Variants in ANKS1B observed in about 807,000 individuals in gnomAD.
The protein encoded by ANKS1B is ankyrin repeat and sterile alpha motif domain-containing protein 1B.
A neutral mutation model predicts 148.3 loss-of-function variants in ANKS1B; 36 were observed. That is an observed-to-expected ratio of 0.24 (90% confidence interval 0.19 to 0.32). ANKS1B has a LOEUF of 0.32. Among genes scored for constraint, ANKS1B ranks in the 10% least tolerant of loss-of-function variants. The pLI, the probability that ANKS1B is intolerant of heterozygous loss-of-function variation, is 1.00. For missense variants in ANKS1B, 1,157 were observed against 1,542.6 expected, an observed-to-expected ratio of 0.75 and a Z score of 4.19; for synonymous variants, 542 against 560.8, an observed-to-expected ratio of 0.97 and a Z score of 0.47.
Position 98,938,482 on chromosome 12 carries a change from T to C in ANKS1B, c.2779-106346A>G, listed in dbSNP as rs1162896046. On this transcript the variant is annotated intron_variant, in intron 17 of 26. Transcript: ENST00000683438. ...TGGTTTTTAAAAGCTCCCCAGATGA[T>C]TTTCATGTGCAGGCAGGGCTGAGAA... Among the ~76,000 whole-genome samples, 3 of 152,160 alleles carry C rather than the reference T, an allele frequency of 2.0e-5. No individual in the cohort carries two copies. The East Asian group carries it at 5.8e-4, about 29-fold the overall frequency.
intron 17 of ANKS1B, among the ~76,000 whole-genome samples, chr12:98,836,596 T>C (rs1473256093): frequency 6.6e-6 from 1 of 152,176 alleles, no homozygotes; most frequent in Non-Finnish European, 1.5e-5. Flanking sequence ...CAGACTGTCT[T>C]TGCAAGCAGA....
chr12:99,267,692 C>T (rs1452890773), intron 12 of ANKS1B, among the ~76,000 whole-genome samples: 2 of 152,040 alleles, frequency 1.3e-5, no homozygotes, highest in Non-Finnish European at 2.9e-5. Flanking sequence ...AAACATACAA[C>T]CAGACATATT....
chr12:99,057,946 T>C (rs1190160826), intron 16 of ANKS1B, among the ~76,000 whole-genome samples: 1 of 152,194 alleles, frequency 6.6e-6, no homozygotes, highest in Non-Finnish European at 1.5e-5. Context: ...TGAAGTTAGC[T>C]GAAGCACAGC....
chr12:98,953,438 C>T (rs549173090), intron 17 of ANKS1B, among the ~76,000 whole-genome samples: 1 of 151,994 alleles, frequency 6.6e-6, no homozygotes, highest in South Asian at 2.1e-4. Flanking sequence ...CAGAAATGAG[C>T]CACTATGCCT....
intron 15 of ANKS1B, among the ~76,000 whole-genome samples, chr12:99,086,970 C>T (rs963537914): frequency 2.6e-5 from 4 of 152,062 alleles, no homozygotes; most frequent in Non-Finnish European, 2.9e-5. Context: ...TTTCTAGAGG[C>T]GCTGTGGGCA....
intron 12 of ANKS1B, among the ~76,000 whole-genome samples, chr12:99,369,791 T>TAGATAGATGGACGGAC (rs879173702): frequency 3.4e-5 from 5 of 148,892 alleles, no homozygotes; most frequent in South Asian, 2.2e-4. Context: ...GATAGATAGA[T>TAGATAGATGGACGGAC]GGACGGACGG....
chr12:98,848,419 T>A (rs2099495745), intron 17 of ANKS1B, among the ~76,000 whole-genome samples: 1 of 152,166 alleles, frequency 6.6e-6, no homozygotes, highest in Admixed American at 6.5e-5. Flanking sequence ...TTGATATCCA[T>A]GAAATGTGTA....
chr12:99,194,344 A>G (rs185720415), intron 14 of ANKS1B, among the ~76,000 whole-genome samples: 4 of 152,238 alleles, frequency 2.6e-5, no homozygotes, highest in African/African-American at 7.2e-5. Context: ...TCATTTCCTG[A>G]TGACTTTGAG....
intron 9 of ANKS1B, among the ~76,000 whole-genome samples, chr12:99,608,551 C>T (rs1190130157): frequency 6.6e-6 from 1 of 152,078 alleles, no homozygotes; most frequent in Non-Finnish European, 1.5e-5. Flanking sequence ...AACTGGTCAA[C>T]CACCATGAAT....
intron 1 of ANKS1B, among the ~76,000 whole-genome samples, chr12:99,978,134 T>C (rs912332586): frequency 6.6e-6 from 1 of 152,236 alleles, no homozygotes; most frequent in African/African-American, 2.4e-5. Context: ...TTGTTTACTG[T>C]CACCTGAAAG....
At chr12:99,210,220 T>TATTCTCC (rs1408136248) in intron 14 of ANKS1B, among the ~76,000 whole-genome samples, 1 of 152,178 alleles carries the variant, frequency 6.6e-6, no homozygotes, top group Non-Finnish European at 1.5e-5. Flanking sequence ...CCAAAATATT[T>TATTCTCC]ATTCTCCAAA....
At chr12:99,869,053 T>C (rs2091136286) in intron 1 of ANKS1B, among the ~76,000 whole-genome samples, 1 of 151,954 alleles carries the variant, frequency 6.6e-6, no homozygotes, top group Non-Finnish European at 1.5e-5. Flanking sequence ...TGAGAGTCTG[T>C]CTCAAAAAAT....
intron 25 of ANKS1B, among the ~76,000 whole-genome samples, chr12:98,760,271 C>CT (rs11395668): frequency 0.29 from 42,471 of 147,252 alleles, 5,992 homozygotes; most frequent in African/African-American, 0.31. Flanking sequence ...CTTATTCTTG[C>CT]TTTTTTTTTT....
At chr12:99,271,532 G>A (rs977322506) in intron 12 of ANKS1B, among the ~76,000 whole-genome samples, 2 of 151,202 alleles carry the variant, frequency 1.3e-5, no homozygotes, top group Non-Finnish European at 2.9e-5. Context: ...TTCTGAATAG[G>A]TGCTCAGTTA....
chr12:99,978,394 C>A (rs912177278), intron 1 of ANKS1B, among the ~76,000 whole-genome samples: 7 of 152,270 alleles, frequency 4.6e-5, no homozygotes, highest in African/African-American at 1.7e-4. Flanking sequence ...TACCAAAATT[C>A]ACCCTCCTTT....
At chr12:99,173,873 G>A (rs1413383490) in intron 14 of ANKS1B, among the ~76,000 whole-genome samples, 2 of 152,010 alleles carry the variant, frequency 1.3e-5, no homozygotes, top group Non-Finnish European at 2.9e-5. Context: ...CATCTACTGG[G>A]ATAGGTATAT....
intron 8 of ANKS1B, among the ~76,000 whole-genome samples, chr12:99,763,492 G>A (rs906999627): frequency 1.3e-5 from 2 of 151,998 alleles, no homozygotes; most frequent in African/African-American, 4.8e-5. Flanking sequence ...ACAGACAATG[G>A]GGCTTACTTG....
At chr12:99,584,712 T>G (rs896082436) in intron 9 of ANKS1B, among the ~76,000 whole-genome samples, 1 of 152,070 alleles carries the variant, frequency 6.6e-6, no homozygotes, top group Non-Finnish European at 1.5e-5. Flanking sequence ...GGTCTCACAA[T>G]CATGGCAGAA....
chr12:99,752,462 C>A (rs990175619), intron 8 of ANKS1B, among the ~76,000 whole-genome samples: 1 of 151,354 alleles, frequency 6.6e-6, no homozygotes, highest in Non-Finnish European at 1.5e-5. Flanking sequence ...GTAGCTAGTA[C>A]GTAATATAGG....
Sources: allele counts gnomAD v4.1 joint callset (sites outside exome capture counted in the v4.1 genomes callset), GRCh38; gene constraint gnomAD v4.1.1; transcripts MANE v1.5; gene names NCBI Gene and HGNC (gene_info 2026-07-23, HGNC 2026-07-21).